The following SBF2 variants were observed in gnomAD, a reference collection of about 807,000 sequenced individuals.
SBF2 encodes SET binding factor 2, also known as myotubularin-related protein 13.
In SBF2, 112 loss-of-function variants were observed where a neutral mutation model predicts 225.2. That is an observed-to-expected ratio of 0.50 (90% CI 0.43 to 0.58). The LOEUF (loss-of-function observed/expected upper bound fraction) is 0.58. Ranked by LOEUF, SBF2 falls within the 20% of genes least tolerant of loss-of-function variation. The pLI is 0.00. For missense variants in SBF2, 1,996 were observed against 2,206.2 expected, an observed-to-expected ratio of 0.90 and a Z score of 1.91; for synonymous variants, 763 against 773.3, an observed-to-expected ratio of 0.99 and a Z score of 0.22.
intron 2 of SBF2, among the ~76,000 whole-genome samples, chr11:10,176,443 G>A (rs1472888604): frequency 2.6e-5 from 4 of 151,608 alleles, no homozygotes; most frequent in South Asian, 2.1e-4. Context: ...TAGACCACTA[G>A]CAAGACTAAT....
intron 17 of SBF2, among the ~76,000 whole-genome samples, chr11:9,867,371 T>TA (rs921995127): frequency 1.3e-4 from 19 of 151,582 alleles, no homozygotes; most frequent in African/African-American, 4.1e-4. Context: ...GTGGCTATTA[T>TA]AAAAAAAAGA....
chr11:9,892,940 T>C (rs990759142), intron 17 of SBF2, among the ~76,000 whole-genome samples: 1 of 152,228 alleles, frequency 6.6e-6, no homozygotes. Context: ...TTATCTGCAG[T>C]ATTAGACTAT....
chr11:9,939,388 G>A (rs535441849), intron 16 of SBF2, among the ~76,000 whole-genome samples: 4 of 152,256 alleles, frequency 2.6e-5, no homozygotes, highest in Non-Finnish European at 4.4e-5. Flanking sequence ...GAGCCACTGC[G>A]CCCGGCCTAA....
At chr11:10,271,133 T>A (rs1479651682) in intron 1 of SBF2, among the ~76,000 whole-genome samples, 2 of 151,756 alleles carry the variant, frequency 1.3e-5, no homozygotes, top group Non-Finnish European at 2.9e-5. Flanking sequence ...GGAGTGGTTA[T>A]GATCAAAAAG....
chr11:10,296,865 T>C (rs572158213), upstream of SBF2, among the ~76,000 whole-genome samples: 2 of 152,334 alleles, frequency 1.3e-5, no homozygotes, highest in East Asian at 3.9e-4. Flanking sequence ...TTGTCAACTC[T>C]TGTTTTCCTG....
intron 16 of SBF2, chr11:9,959,658 C>T: frequency 1.3e-6 from 1 of 747,490 alleles, no homozygotes; most frequent in South Asian, 1.3e-5. Context: ...CTTGGGTTCA[C>T]TTGCAGCGCA....
intron 1 of SBF2, among the ~76,000 whole-genome samples, chr11:10,221,974 C>A (rs1033351817): frequency 7.9e-5 from 12 of 152,150 alleles, no homozygotes; most frequent in African/African-American, 2.7e-4. Context: ...AGAAGAGACC[C>A]AGAAAGGTAG....
chr11:9,798,764 G>A (rs1263626185), intron 32 of SBF2, among the ~76,000 whole-genome samples: 1 of 152,086 alleles, frequency 6.6e-6, no homozygotes, highest in East Asian at 1.9e-4. Context: ...GGTTAACATG[G>A]TGAAACCCTG....
chr11:9,830,487 C>G (rs1855321597), intron 27 of SBF2, among the ~76,000 whole-genome samples: 1 of 152,130 alleles, frequency 6.6e-6, no homozygotes, highest in Non-Finnish European at 1.5e-5. Context: ...CGTCTGTAAT[C>G]CCAGCACTTA....
intron 2 of SBF2, among the ~76,000 whole-genome samples, chr11:10,055,668 AGGAAT>A (rs1950231078): frequency 6.6e-6 from 1 of 152,190 alleles, no homozygotes; most frequent in Admixed American, 6.5e-5. Context: ...AAAACAACTC[AGGAAT>A]GGAAAACCAA....
In SBF2 at chr11:10,233,546, A is replaced by AAT. The variant is rs370611755; in HGVS notation, c.56-39561_56-39560dup. ...AACCTCTTGGTGTATATCCTAACCA[A>AAT]ATATATATATATATCTCTCTCTCTC... On this transcript the variant is annotated intron_variant, in intron 1 of 39. Coordinates refer to ENST00000256190, the MANE Select transcript of SBF2 (RefSeq NM_030962.4). Among the ~76,000 whole-genome samples the AAT allele has an allele frequency of 3.0e-3, 452 of 150,136 alleles. 2 individuals are homozygous for AAT. The highest frequency in any genetic ancestry group is 7.1e-3 in the South Asian group (33 of 4,662).
chr11:10,214,554 C>T (rs1343903474), intron 1 of SBF2, among the ~76,000 whole-genome samples: 8 of 152,078 alleles, frequency 5.3e-5, no homozygotes, highest in Non-Finnish European at 2.9e-5. Flanking sequence ...ACCTAGGAGG[C>T]GGAGGTTGCA....
intron 13 of SBF2, among the ~76,000 whole-genome samples, chr11:9,985,282 C>A (rs992742050): frequency 6.6e-6 from 1 of 152,110 alleles, no homozygotes; most frequent in African/African-American, 2.4e-5. Context: ...CAAATGAACA[C>A]CAGAAGCGAG....
At chr11:10,042,817 T>C in intron 3 of SBF2, 27 bp downstream of exon 3, 1 of 1,612,352 alleles carries the variant, frequency 6.2e-7, no homozygotes, top group Non-Finnish European at 8.5e-7. Flanking sequence ...CCTTCGACTG[T>C]ACTTTAGCTA....
chr11:10,175,090 G>A (rs1191897756), intron 2 of SBF2, among the ~76,000 whole-genome samples: 1 of 151,602 alleles, frequency 6.6e-6, no homozygotes, highest in Non-Finnish European at 1.5e-5. Context: ...AGACTAGGAA[G>A]AAACTGCATC....
At chr11:10,143,413 C>T (rs1316381945) in intron 2 of SBF2, among the ~76,000 whole-genome samples, 1 of 152,116 alleles carries the variant, frequency 6.6e-6, no homozygotes, top group Admixed American at 6.5e-5. Flanking sequence ...CTCAGGTGAT[C>T]CGCCCACATG....
chr11:9,843,776 T>C (rs1282513969), intron 24 of SBF2: 1 of 152,236 alleles, frequency 6.6e-6, no homozygotes, highest in East Asian at 1.9e-4. Flanking sequence ...AAACTTATTG[T>C]AAATCACTTG....
chr11:10,187,640 T>C (rs748518700), intron 2 of SBF2, among the ~76,000 whole-genome samples: 12 of 151,992 alleles, frequency 7.9e-5, no homozygotes, highest in Admixed American at 3.9e-4. Context: ...TTAATTGAAC[T>C]CTACATTTAG....
chr11:10,152,402 AGC>A (rs1955246695), intron 2 of SBF2, among the ~76,000 whole-genome samples: 1 of 152,044 alleles, frequency 6.6e-6, no homozygotes, highest in African/African-American at 2.4e-5. Context: ...ATACAAAATT[AGC>A]CGGGCGTGGT....
Sources: gnomAD v4.1 joint callset for allele counts (sites outside exome capture counted in the v4.1 genomes callset) on GRCh38, gnomAD v4.1.1 for gene constraint, MANE v1.5 for transcripts, NCBI Gene and HGNC (gene_info 2026-07-23, HGNC 2026-07-21) for gene names.